The following WWOX variants were observed in gnomAD, a reference collection of about 807,000 sequenced individuals.
The protein encoded by WWOX is WW domain-containing oxidoreductase.
Under a neutral mutation model 46.2 loss-of-function variants are expected in WWOX, and 69 were observed. That is an observed-to-expected ratio of 1.49 (90% CI 1.23 to 1.82). The LOEUF is 1.82. Ranked by LOEUF, WWOX falls within the 40% of genes most tolerant of loss-of-function variation. The pLI, the probability that WWOX is intolerant of heterozygous loss-of-function variation, is 0.00. For missense variants in WWOX, 919 were observed against 542.6 expected (o/e 1.69, Z -6.89); for synonymous variants, 359 against 202.6 (o/e 1.77, Z -6.56).
intron 8 of WWOX, among the ~76,000 whole-genome samples, chr16:78,733,513 C>T (rs574396488): frequency 7.3e-5 from 11 of 150,490 alleles, no homozygotes; most frequent in African/African-American, 1.5e-4. Context: ...TCTGGGAGGA[C>T]GAGGTGGGCG....
At chr16:78,584,233 A>G (rs1490926766) in intron 8 of WWOX, among the ~76,000 whole-genome samples, 4 of 152,318 alleles carry the variant, frequency 2.6e-5, no homozygotes, top group East Asian at 1.9e-4. Context: ...ATTTATTGCC[A>G]TATACAGTTA....
chr16:78,182,030 A>G (rs552852802), intron 5 of WWOX, among the ~76,000 whole-genome samples: 1 of 152,118 alleles, frequency 6.6e-6, no homozygotes, highest in African/African-American at 2.4e-5. Context: ...GTCTGAAAGG[A>G]TTGAGCTGTA....
At chr16:78,775,218 A>C (rs998740632) in intron 8 of WWOX, among the ~76,000 whole-genome samples, 1 of 152,160 alleles carries the variant, frequency 6.6e-6, no homozygotes, top group Non-Finnish European at 1.5e-5. Context: ...CTGAAAGATT[A>C]TCAGGACTGT....
intron 8 of WWOX, among the ~76,000 whole-genome samples, chr16:78,974,347 C>G (rs144870200): frequency 6.6e-6 from 1 of 152,296 alleles, no homozygotes; most frequent in East Asian, 1.9e-4. Context: ...TGTGTCACAT[C>G]AATAAACATC....
chr16:78,911,581 C>G (rs890597024), intron 8 of WWOX, among the ~76,000 whole-genome samples: 2 of 152,010 alleles, frequency 1.3e-5, no homozygotes, highest in Admixed American at 6.6e-5. Context: ...GTAAGAAACA[C>G]CAGGCCGGGC....
At chr16:78,905,830 A>T (rs537307743) in intron 8 of WWOX, among the ~76,000 whole-genome samples, 1 of 152,328 alleles carries the variant, frequency 6.6e-6, no homozygotes, top group Admixed American at 6.5e-5. Context: ...TCTGGATTTC[A>T]AATGCTAGTT....
chr16:78,531,622 C>G (rs780350082), intron 8 of WWOX, among the ~76,000 whole-genome samples: 7 of 152,074 alleles, frequency 4.6e-5, no homozygotes, highest in African/African-American at 7.2e-5. Flanking sequence ...GCAGGTGAAT[C>G]ACTTGAGGTC....
At chr16:78,465,737 A>G (rs1019367421) in intron 8 of WWOX, among the ~76,000 whole-genome samples, 2 of 152,192 alleles carry the variant, frequency 1.3e-5, no homozygotes, top group Admixed American at 6.5e-5. Flanking sequence ...AATACCCACC[A>G]TCAGAGGGCA....
intron 8 of WWOX, among the ~76,000 whole-genome samples, chr16:78,632,996 C>G: frequency 6.6e-6 from 1 of 152,230 alleles, no homozygotes; most frequent in East Asian, 1.9e-4. Context: ...GGCATGGTGG[C>G]TCATGCCTGT....
chr16:79,134,404 G>C (rs572382308), intron 8 of WWOX, among the ~76,000 whole-genome samples: 69 of 152,238 alleles, frequency 4.5e-4, no homozygotes, highest in Non-Finnish European at 6.8e-4. Flanking sequence ...GGGGCTGTCT[G>C]CAAAGAGGCA....
chr16:78,374,399 T>A (rs1486876031), intron 5 of WWOX, among the ~76,000 whole-genome samples: 2 of 152,130 alleles, frequency 1.3e-5, no homozygotes, highest in Non-Finnish European at 2.9e-5. Flanking sequence ...TTTAGTTGCT[T>A]CTTAAATTCA....
intron 6 of WWOX, among the ~76,000 whole-genome samples, chr16:78,422,700 C>CACACACAT (rs1265868420): frequency 7.4e-5 from 3 of 40,404 alleles, no homozygotes; most frequent in Non-Finnish European, 1.2e-4. Flanking sequence ...CACACACACA[C>CACACACAT]ATATATATAT....
intron 8 of WWOX, among the ~76,000 whole-genome samples, chr16:78,824,586 G>T (rs866082947): frequency 6.6e-6 from 1 of 152,098 alleles, no homozygotes; most frequent in Non-Finnish European, 1.5e-5. Flanking sequence ...CGCACGGCTG[G>T]GGAGGCCTCA....
At chr16:78,949,297 C>T (rs919546859) in intron 8 of WWOX, among the ~76,000 whole-genome samples, 6 of 152,104 alleles carry the variant, frequency 3.9e-5, no homozygotes, top group Admixed American at 1.3e-4. Flanking sequence ...ACTGTGCCGT[C>T]GTGACTAGAT....
chr16:78,617,377 G>A (rs2046051998), intron 8 of WWOX, among the ~76,000 whole-genome samples: 1 of 148,826 alleles, frequency 6.7e-6, no homozygotes, highest in African/African-American at 2.5e-5. Flanking sequence ...ACCCCAGCCT[G>A]GGCCACACAG....
chr16:79,131,280 T>C (rs2049872960), intron 8 of WWOX, among the ~76,000 whole-genome samples: 1 of 152,062 alleles, frequency 6.6e-6, no homozygotes, highest in Non-Finnish European at 1.5e-5. Flanking sequence ...AAGAAGAAGC[T>C]GTACTCCCAA....
At chr16:78,832,070 C>G (rs1265826554) in intron 8 of WWOX, among the ~76,000 whole-genome samples, 4 of 152,174 alleles carry the variant, frequency 2.6e-5, no homozygotes, top group African/African-American at 7.2e-5. Flanking sequence ...ATCTCATTGT[C>G]TTTGTGGGTC....
At chr16:78,377,199 C>T (rs79626985) in intron 5 of WWOX, among the ~76,000 whole-genome samples, 2,147 of 152,266 alleles carry the variant, frequency 0.014, 28 homozygotes, top group African/African-American at 0.036. Flanking sequence ...AGCTGATGTC[C>T]AGTACGTTGC....
rs569461589 is a variant in WWOX, at chr16:78,700,187, T to C, written c.1056+267435T>C. 1.4e-4 allele frequency among the ~76,000 whole-genome samples: 21 copies of C among 152,126 alleles called. No individual in the cohort carries two copies. In the East Asian group the frequency reaches 3.3e-3, roughly 24 times the overall value. On this transcript the variant is annotated intron_variant, in intron 8 of 8. Coordinates refer to ENST00000566780, the MANE Select transcript of WWOX (RefSeq NM_016373.4). ...CGTTGACTGGGTGGCTTGATTTTTT[T>C]TTTTTTCTCCCAGTTCTGGAGGCTG...
Sources: gnomAD v4.1 joint callset for allele counts (sites outside exome capture counted in the v4.1 genomes callset) on GRCh38, gnomAD v4.1.1 for gene constraint, MANE v1.5 for transcripts, NCBI Gene and HGNC (gene_info 2026-07-23, HGNC 2026-07-21) for gene names.